HERC2: variants seen among roughly 807,000 people sequenced by gnomAD.
HERC2 encodes E3 ubiquitin-protein ligase HERC2.
HERC2 carries 102 observed loss-of-function variants against 537.7 expected under a neutral mutation model. The observed-to-expected ratio is 0.19, with a 90% CI of 0.16 to 0.22. The LOEUF is 0.22. Ranked by LOEUF, HERC2 falls within the 10% of genes least tolerant of loss-of-function variation. The pLI is 1.00. For synonymous variants in HERC2, 2,224 were observed against 2,466.2 expected, an observed-to-expected ratio of 0.90 and a Z score of 2.91; for missense variants, 4,236 against 6,198.2, an observed-to-expected ratio of 0.68 and a Z score of 10.63.
rs1327627595 is a variant in HERC2, at chr15:28,168,484, T to C, written c.10336A>G (p.Met3446Val). The change falls in exon 67 of 93, where the codon ATG becomes GTG. Residue 3446 changes from methionine (M) to valine (V), a missense_variant. By Grantham distance (21) the Met-to-Val change is conservative. Around this residue, in one of 27 missense-constraint regions of HERC2, gnomAD observed 356 missense variants for 450.9 expected, o/e 0.79. Coordinates refer to ENST00000261609, the MANE Select transcript of HERC2 (RefSeq NM_004667.6). The part of the protein sequence containing the change: ...PSDASAMASP[M>V]NGEECMLAVD... ...GCCAGCATGCATTCTTCTCCATTCATGGGACTAGCCATCGCAGATGCGTCG... is the reference window on the plus strand; with the variant it reads ...GCCAGCATGCATTCTTCTCCATTCACGGGACTAGCCATCGCAGATGCGTCG... The C allele has an allele frequency of 8.7e-6, 14 of 1,614,220 alleles. No individual in the cohort carries two copies. Among genetic ancestry groups the C allele is most frequent in the South Asian group, 1.1e-5 (1 of 91,092 alleles).
chr15:28,280,176 A>G lies in HERC2; in HGVS notation c.434T>C (p.Val145Ala), dbSNP rs761070239. 1 of 1,614,044 alleles carries G rather than the reference A, an allele frequency of 6.2e-7. No individual in the cohort carries two copies. The highest frequency in any genetic ancestry group is 1.3e-5 in the African/African-American group (1 of 74,922). Residue 145 changes from valine (V) to alanine (A), a missense_variant, in exon 5 of 93, where the codon GTG becomes GCG. Physicochemically the swap from Val to Ala is moderately conservative, Grantham distance 64. Transcript: ENST00000261609. ...LSALRLKQRL[V>A]ILERYFIALN... is the part of the protein sequence containing the mutation. Reference sequence around the variant, plus strand: ...GGCAATGAAATAGCGCTCCAAGATCACCAGCCTCTGCTTGAGTCGCAGGGC... The same window carrying G: ...GGCAATGAAATAGCGCTCCAAGATCGCCAGCCTCTGCTTGAGTCGCAGGGC...
At chr15:28,295,557 C>T (rs951272558) in intron 3 of HERC2, among the ~76,000 whole-genome samples, 1 of 152,108 alleles carries the variant, frequency 6.6e-6, no homozygotes, top group African/African-American at 2.4e-5. Context: ...CATCACCATG[C>T]CCAGCTAATT....
Position 28,202,136 on chromosome 15 carries a change from C to T in HERC2, c.7594G>A (p.Val2532Met), listed in dbSNP as rs74005645. ...EYSDEEVVED[V>M]DDAAYSMSTG... ...ACCATGGAGTAGGCGGCATCATCCA[C>T]GTCCTCCACCACCTCCTCGTCAGAA... Residue 2532 changes from valine (V) to methionine (M), a missense_variant, in exon 47 of 93, where the codon GTG becomes ATG. Transcript: ENST00000261609. 33,296 of 1,519,884 alleles carry T rather than the reference C, an allele frequency of 0.022. 6,251 individuals carry two copies. The African/African-American group carries it at 0.44, about 20-fold the overall frequency. 94.1% of individuals were successfully genotyped at this position (1,519,884 alleles called of 1,614,324 possible).
intron 12 of HERC2, 76 bp from the exon 13 acceptor site, chr15:28,266,050 C>G: frequency 6.6e-7 from 1 of 1,508,604 alleles, no homozygotes; most frequent in Non-Finnish European, 9.1e-7. Context: ...AAAGGAAATT[C>G]ACTATCCAAA....
At chr15:28,310,322 G>A (rs1427416842) in intron 2 of HERC2, among the ~76,000 whole-genome samples, 3 of 152,014 alleles carry the variant, frequency 2.0e-5, no homozygotes, top group African/African-American at 7.2e-5. Flanking sequence ...TGGCGCGCCT[G>A]TACTCCCAGC....
rs2075544089 is a variant in HERC2 at position 28,265,667 on chromosome 15, A to G, written c.1821T>C (p.Asp607=). The G allele has an allele frequency of 1.2e-6, 2 of 1,614,162 alleles. No individual in the cohort carries two copies. The highest frequency in any genetic ancestry group is 1.1e-5 in the South Asian group (1 of 91,080). Residue 607 remains aspartate (D), a synonymous_variant, in exon 14 of 93, where the codon GAT becomes GAC. Transcript: ENST00000261609. The surrounding 1 kb of genome is among the most constrained non-coding windows in gnomAD (Gnocchi z 4.0). ...VAGLKGLKVI[D]VACGSGDAQT... is the part of the protein sequence containing the mutation. ...GAGCATCCCCACTCCCACACGCCACATCGATGACCTTCAGTCCTTTAAGCC... is the reference window on the plus strand; with the variant it reads ...GAGCATCCCCACTCCCACACGCCACGTCGATGACCTTCAGTCCTTTAAGCC...
chr15:28,259,662 A>G (rs2075363686), intron 16 of HERC2, among the ~76,000 whole-genome samples: 1 of 152,020 alleles, frequency 6.6e-6, no homozygotes, highest in South Asian at 2.1e-4. Context: ...TGCAATACAG[A>G]AACAGAATAG....
At chr15:28,255,264 G>A (rs2075220388) in intron 19 of HERC2, among the ~76,000 whole-genome samples, 1 of 152,152 alleles carries the variant, frequency 6.6e-6, no homozygotes, top group Non-Finnish European at 1.5e-5. Flanking sequence ...GAGCCTAGGA[G>A]GACAAGGCTG....
chr15:28,143,723 C>T lies in HERC2; in HGVS notation c.11418+150G>A, dbSNP rs1335539569. 54 of 904,666 alleles carry T rather than the reference C, an allele frequency of 6.0e-5. No homozygotes were observed. The South Asian group carries it at 7.9e-4, about 13-fold the overall frequency. 56.0% of individuals were successfully genotyped at this position (904,666 alleles called of 1,614,324 possible). On this transcript the variant is annotated intron_variant, in intron 74 of 92. Coordinates refer to ENST00000261609, the MANE Select transcript of HERC2 (RefSeq NM_004667.6). ...AGCCTCCCAAAGTGGTGGCATTACACGCATGAGCCACCGCGCCCGGTCCAA... is the reference window on the plus strand; with the variant it reads ...AGCCTCCCAAAGTGGTGGCATTACATGCATGAGCCACCGCGCCCGGTCCAA...
chr15:28,168,460 C>T lies in HERC2; in HGVS notation c.10360G>A (p.Ala3454Thr), dbSNP rs1396540015. Residue 3454 changes from alanine (A) to threonine (T), a missense_variant, in exon 67 of 93, where the codon GCT becomes ACT. By Grantham distance (58) the Ala-to-Thr change is moderately conservative. Coordinates refer to ENST00000261609, the MANE Select transcript of HERC2 (RefSeq NM_004667.6). ...CTCAGTCTGTCTTCGATATCAACAG[C>T]CAGCATGCATTCTTCTCCATTCATG... ...SPMNGEECML[A>T]VDIEDRLSPN... 11 of 1,614,098 alleles carry T rather than the reference C, an allele frequency of 6.8e-6. No homozygotes were observed. The highest frequency in any genetic ancestry group is 5.0e-5 in the Admixed American group (3 of 60,008).
intron 20 of HERC2, among the ~76,000 whole-genome samples, chr15:28,249,973 T>C (rs1275363487): frequency 2.0e-5 from 3 of 151,986 alleles, no homozygotes; most frequent in East Asian, 1.9e-4. Flanking sequence ...CTAACTCTTA[T>C]GTCAATGTGA....
At chr15:28,180,111 C>T (rs1169192010) in intron 57 of HERC2, among the ~76,000 whole-genome samples, 1 of 152,206 alleles carries the variant, frequency 6.6e-6, no homozygotes, top group Non-Finnish European at 1.5e-5. Flanking sequence ...CTGCAAACTC[C>T]ATTATTCATG....
intron 74 of HERC2, 68 bp from the exon 75 acceptor site, chr15:28,143,020 T>C: frequency 6.7e-7 from 1 of 1,501,314 alleles, no homozygotes; most frequent in Non-Finnish European, 9.1e-7. Flanking sequence ...CATTTGTTTC[T>C]ACCGTCAAAT....
rs766390095 is a variant in HERC2, at chr15:28,272,359, C to A, written c.939G>T (p.Leu313Phe). ...LSQMLSAILL[L>F]LQLWDSGAQE... ...GTGCCCCGCTGTCCCACAGCTGAAG[C>A]AACAACAGGATGGCAGACAACATTT... Residue 313 changes from leucine (L) to phenylalanine (F), a missense_variant, in exon 9 of 93, where the codon TTG (leucine) becomes TTT (phenylalanine). Transcript: ENST00000261609. 5 of 1,612,266 alleles carry A rather than the reference C, an allele frequency of 3.1e-6. No individual in the cohort carries two copies. Among genetic ancestry groups the A allele is most frequent in the Admixed American group, 1.7e-5 (1 of 59,782 alleles).
At chr15:28,260,692 C>T in intron 16 of HERC2, 85 bp downstream of exon 16, 4 of 1,101,694 alleles carry the variant, frequency 3.6e-6, no homozygotes, top group Non-Finnish European at 5.3e-6. Flanking sequence ...ACAAACAAAA[C>T]TCAGTGGTAT....
At chr15:28,246,197 ATTATC>A (rs933498307) in intron 22 of HERC2, 131 bp from the exon 23 acceptor site, 98 of 617,366 alleles carry the variant, frequency 1.6e-4, no homozygotes, top group African/African-American at 1.6e-3. Context: ...TTTCTAAAGA[ATTATC>A]TTATATTTTA....
At chr15:28,164,072 C>A (rs1447125290) in intron 68 of HERC2, among the ~76,000 whole-genome samples, 1 of 152,108 alleles carries the variant, frequency 6.6e-6, no homozygotes, top group Non-Finnish European at 1.5e-5. Context: ...GCCAGGGACT[C>A]CCACCGCTTC....
At chr15:28,309,160 T>C (rs1475948407) in intron 2 of HERC2, among the ~76,000 whole-genome samples, 2 of 152,242 alleles carry the variant, frequency 1.3e-5, no homozygotes, top group Non-Finnish European at 2.9e-5. Flanking sequence ...GTTCTAGAAA[T>C]ATCTACTAAA....
At chr15:28,130,383 C>A (rs1309672891) in intron 82 of HERC2, 81 bp from the exon 83 acceptor site, 2 of 1,600,852 alleles carry the variant, frequency 1.2e-6, no homozygotes, top group Non-Finnish European at 1.7e-6. Flanking sequence ...GCAGCCTCTG[C>A]TGTTCAGGAC....
Sources: allele counts gnomAD v4.1 joint callset (sites outside exome capture counted in the v4.1 genomes callset), GRCh38; gene constraint gnomAD v4.1.1; regional missense constraint gnomAD v4.1.1; non-coding constraint Gnocchi (gnomAD v3.1); transcripts MANE v1.5; gene names NCBI Gene and HGNC (gene_info 2026-07-23, HGNC 2026-07-21).